PCDHA11: variants seen among roughly 807,000 people sequenced by gnomAD.
PCDHA11 encodes protocadherin alpha 11.
Under a neutral mutation model 70.3 loss-of-function variants are expected in PCDHA11, and 61 were observed. The ratio of observed to expected loss-of-function variants is 0.87; its 90% confidence interval spans 0.71 to 1.07. The LOEUF (loss-of-function observed/expected upper bound fraction) is 1.07. Among genes scored for constraint, PCDHA11 ranks in the 50% least tolerant of loss-of-function variants. The pLI, the probability that PCDHA11 is intolerant of heterozygous loss-of-function variation, is 0.00. For missense variants in PCDHA11, 1,324 were observed against 1,237.5 expected, an observed-to-expected ratio of 1.07 and a Z score of -1.05; for synonymous variants, 633 against 555.1, an observed-to-expected ratio of 1.14 and a Z score of -1.97.
At chr5:140,929,010 G>A in intron 1 of PCDHA11, 2 of 1,614,128 alleles carry the variant, frequency 1.2e-6, no homozygotes, top group Non-Finnish European at 1.7e-6. Flanking sequence ...TGTGTACCAA[G>A]TTGCACCAGA....
At chr5:140,954,036 T>G (rs527853766) in intron 1 of PCDHA11, among the ~76,000 whole-genome samples, 170 of 152,342 alleles carry the variant, frequency 1.1e-3, no homozygotes, top group African/African-American at 3.9e-3. Context: ...GATGTGGTAT[T>G]TGGTTTTCTG....
At chr5:140,894,960 A>G (rs1277191439) in intron 1 of PCDHA11, among the ~76,000 whole-genome samples, 1 of 152,170 alleles carries the variant, frequency 6.6e-6, no homozygotes, top group African/African-American at 2.4e-5. Context: ...ATAAAAATAT[A>G]ATTTTTTAAT....
At chr5:140,943,349 T>C (rs1429038452) in intron 1 of PCDHA11, among the ~76,000 whole-genome samples, 1 of 147,572 alleles carries the variant, frequency 6.8e-6, no homozygotes, top group East Asian at 2.0e-4. Flanking sequence ...AGGATGAGAG[T>C]AGAGGAAAGG....
intron 1 of PCDHA11, chr5:140,875,303 C>T (rs2055408923): frequency 2.1e-6 from 3 of 1,414,848 alleles, no homozygotes; most frequent in Admixed American, 2.9e-5. Context: ...TTTTTCTCCG[C>T]ACCCACATTC....
At chr5:140,925,082 A>G (rs1362065754) in intron 1 of PCDHA11, among the ~76,000 whole-genome samples, 1 of 147,284 alleles carries the variant, frequency 6.8e-6, no homozygotes, top group African/African-American at 2.6e-5. Context: ...GCTCATCTGG[A>G]AAGGAAGGAA....
At chr5:140,959,999 A>G (rs564390780) in intron 1 of PCDHA11, among the ~76,000 whole-genome samples, 2 of 152,318 alleles carry the variant, frequency 1.3e-5, no homozygotes, top group African/African-American at 4.8e-5. Flanking sequence ...ATGAAATACA[A>G]ATCTATTTTG....
chr5:140,980,085 T>C (rs1294414077), intron 2 of PCDHA11, among the ~76,000 whole-genome samples: 1 of 152,242 alleles, frequency 6.6e-6, no homozygotes, highest in Non-Finnish European at 1.5e-5. Context: ...AGATTAGTAG[T>C]TGGCTTGGTA....
intron 1 of PCDHA11, 178 bp downstream of exon 1, chr5:140,871,672 T>C (rs2053253410): frequency 2.6e-6 from 3 of 1,153,066 alleles, no homozygotes; most frequent in Non-Finnish European, 3.6e-6. Flanking sequence ...AGTCTTTTAA[T>C]CATATGAATA....
chr5:140,967,828 C>T (rs2096188201), intron 1 of PCDHA11: 2 of 1,614,028 alleles, frequency 1.2e-6, no homozygotes, highest in Non-Finnish European at 1.7e-6. Flanking sequence ...TGCTGGTGGA[C>T]ATCGTGGACG....
chr5:140,926,609 G>T, intron 1 of PCDHA11: 1 of 350,856 alleles, frequency 2.9e-6, no homozygotes, highest in Non-Finnish European at 5.0e-6. Flanking sequence ...CCTCGTCTCT[G>T]CACCCCTAGG....
chr5:140,952,913 A>G (rs1013502361), intron 1 of PCDHA11, among the ~76,000 whole-genome samples: 6 of 152,092 alleles, frequency 3.9e-5, no homozygotes, highest in African/African-American at 1.4e-4. Flanking sequence ...CTCATCTTAC[A>G]TGGCATGAGC....
chr5:140,925,503 C>T (rs1210013790), intron 1 of PCDHA11, among the ~76,000 whole-genome samples: 1 of 151,978 alleles, frequency 6.6e-6, no homozygotes, highest in Non-Finnish European at 1.5e-5. Context: ...TCCCAATATC[C>T]ACGCAAAAGA....
At chr5:140,880,684 A>G (rs903335932) in intron 1 of PCDHA11, among the ~76,000 whole-genome samples, 27 of 152,226 alleles carry the variant, frequency 1.8e-4, no homozygotes, top group Admixed American at 1.2e-3. Flanking sequence ...TGAAGAGAAT[A>G]GTCATGGTTA....
Position 141,000,421 on chromosome 5 carries a change from A to ATTTT in PCDHA11, c.2540-9186_2540-9183dup, listed in dbSNP as rs34755515. ...TATATATATATATATATATATATAT[A>ATTTT]TTTTTTTTTTTTTTTTTTTTTTTGA... On this transcript the variant is annotated intron_variant, in intron 3 of 3. Transcript: ENST00000398640. Among the ~76,000 whole-genome samples the ATTTT allele has an allele frequency of 6.1e-3, 170 of 27,980 alleles. 16 individuals carry two copies. The highest frequency in any genetic ancestry group is 7.4e-3 in the Non-Finnish European group (131 of 17,660). The allele number at this position is 27,980 out of a possible 152,430, so 18.4% of individuals were successfully genotyped here.
intron 1 of PCDHA11, chr5:140,875,640 G>A (rs782266115): frequency 2.5e-6 from 4 of 1,613,688 alleles, no homozygotes; most frequent in Non-Finnish European, 3.4e-6. Context: ...GGCTGGAGCT[G>A]GCGGAGCTGG....
At chr5:140,875,874 A>C in intron 1 of PCDHA11, 1 of 1,614,188 alleles carries the variant, frequency 6.2e-7, no homozygotes, top group Non-Finnish European at 8.5e-7. Flanking sequence ...CGGTGTTCAG[A>C]GAAAGGGAAC....
rs1554168160 is a variant in PCDHA11 at position 140,875,992 on chromosome 5, CT to C, written c.2391+4499del. 5 of 1,613,752 alleles carry C rather than the reference CT, an allele frequency of 3.1e-6. No homozygotes were observed. In the Admixed American group the frequency reaches 8.3e-5, roughly 27 times the overall value. On this transcript the variant is annotated intron_variant, in intron 1 of 3. Transcript: ENST00000398640. ...CTCTCTTTTGACCTATGCGTTAAGT[CT>C]AAATGAGAATTTTGAGCTTAAAATA...
intron 1 of PCDHA11, chr5:140,875,542 T>A: frequency 6.2e-7 from 1 of 1,614,134 alleles, no homozygotes; most frequent in Non-Finnish European, 8.5e-7. Flanking sequence ...CCTTGCAGCC[T>A]GGGAGGTGGG....
intron 1 of PCDHA11, chr5:140,928,696 C>G: frequency 6.2e-7 from 1 of 1,614,146 alleles, no homozygotes. Flanking sequence ...CCACATCTCC[C>G]GGGCGTCTGA....
Sources: allele counts gnomAD v4.1 joint callset (sites outside exome capture counted in the v4.1 genomes callset), GRCh38; gene constraint gnomAD v4.1.1; transcripts MANE v1.5; gene names NCBI Gene and HGNC (gene_info 2026-07-23, HGNC 2026-07-21).